The following TMEM126A variants were observed in gnomAD, a reference collection of about 807,000 sequenced individuals.
The protein encoded by TMEM126A is optic atrophy 7.
In TMEM126A, 10 loss-of-function variants were observed where a neutral mutation model predicts 18.3. That is an observed-to-expected ratio of 0.55 (90% CI 0.34 to 0.93). The LOEUF is 0.93. Ranked by LOEUF, TMEM126A falls within the 40% of genes least tolerant of loss-of-function variation. TMEM126A has a pLI of 0.02. For missense variants in TMEM126A, 246 were observed against 230.2 expected (o/e 1.07, Z -0.44); for synonymous variants, 68 against 78.1 (o/e 0.87, Z 0.68).
intron 2 of TMEM126A, among the ~76,000 whole-genome samples, chr11:85,653,769 G>A (rs1365682197): frequency 1.3e-5 from 2 of 152,144 alleles, no homozygotes; most frequent in African/African-American, 4.8e-5. Flanking sequence ...TTAAAGACTA[G>A]TGTAGAAGCC....
In TMEM126A at chr11:85,655,647, G is replaced by C; in HGVS notation, c.334G>C (p.Val112Leu). The change falls in exon 4 of 5, where the codon GTT (valine) becomes CTT (leucine). Residue 112 changes from valine (V) to leucine (L), a missense_variant. Coordinates refer to ENST00000304511, the MANE Select transcript of TMEM126A (RefSeq NM_032273.4). ...AACACGGAGTGGACTGACTGGTCTT[G>C]TTATTGGTGGTCTATACCCTGTTTT... Reference protein sequence around the residue: ...TITRSGLTGLVIGGLYPVFLA... With the variant: ...TITRSGLTGLLIGGLYPVFLA... The C allele has an allele frequency of 1.9e-6, 3 of 1,613,698 alleles. No homozygotes were observed. The highest frequency in any genetic ancestry group is 2.5e-6 in the Non-Finnish European group (3 of 1,179,722).
At chr11:85,652,584 A>G (rs533729020) in intron 2 of TMEM126A, among the ~76,000 whole-genome samples, 121 of 152,274 alleles carry the variant, frequency 7.9e-4, no homozygotes, top group African/African-American at 2.8e-3. Flanking sequence ...ATGAGTTTTT[A>G]GTTGGTATAG....
intron 2 of TMEM126A, among the ~76,000 whole-genome samples, chr11:85,653,851 AATT>A (rs2082517920): frequency 6.6e-6 from 1 of 152,176 alleles, no homozygotes; most frequent in Non-Finnish European, 1.5e-5. Flanking sequence ...GTTAAGTATT[AATT>A]ATTATGGGAG....
At chr11:85,648,642 C>T (rs2082478075) in intron 1 of TMEM126A, among the ~76,000 whole-genome samples, 1 of 152,148 alleles carries the variant, frequency 6.6e-6, no homozygotes, top group Non-Finnish European at 1.5e-5. Flanking sequence ...TACACAAAAT[C>T]ATTCAGAGCT....
At chr11:85,654,548 T>A (rs2082523805) in intron 3 of TMEM126A, among the ~76,000 whole-genome samples, 1 of 152,116 alleles carries the variant, frequency 6.6e-6, no homozygotes, top group Non-Finnish European at 1.5e-5. Flanking sequence ...ACCTTCTGGG[T>A]TCAAGCAATT....
chr11:85,652,441 C>T (rs1371220011), intron 2 of TMEM126A, among the ~76,000 whole-genome samples: 1 of 152,146 alleles, frequency 6.6e-6, no homozygotes, highest in Non-Finnish European at 1.5e-5. Flanking sequence ...GCATGTCCTT[C>T]AGTGTATGGA....
At chr11:85,653,060 G>T (rs1452589836) in intron 2 of TMEM126A, among the ~76,000 whole-genome samples, 1 of 152,002 alleles carries the variant, frequency 6.6e-6, no homozygotes, top group Non-Finnish European at 1.5e-5. Context: ...CCACTGTCTT[G>T]TACCACCATT....
chr11:85,651,018 G>A (rs908051594), intron 2 of TMEM126A, among the ~76,000 whole-genome samples: 22 of 122,670 alleles, frequency 1.8e-4, no homozygotes, highest in South Asian at 1.0e-3. Flanking sequence ...GCAGTGAGCC[G>A]AGATCACACC....
At chr11:85,654,858 T>A (rs76268187) in intron 3 of TMEM126A, among the ~76,000 whole-genome samples, 20,981 of 149,944 alleles carry the variant, frequency 0.14, 1,705 homozygotes, top group East Asian at 0.29. Flanking sequence ...TATGGAAATA[T>A]TATATATATA....
In TMEM126A at chr11:85,654,273, T is replaced by C. The variant is rs768302604; in HGVS notation, c.280+17T>C. On this transcript the variant is annotated intron_variant, in intron 3 of 4. Coordinates refer to ENST00000304511, the MANE Select transcript of TMEM126A (RefSeq NM_032273.4). ...TGAATACAGGTAAATTCTACTTCACTATCACCAAAGAGTTTGCCTTAGTAT... is the reference window on the plus strand; with the variant it reads ...TGAATACAGGTAAATTCTACTTCACCATCACCAAAGAGTTTGCCTTAGTAT... 9 of 1,612,390 alleles carry C rather than the reference T, an allele frequency of 5.6e-6. No homozygotes were observed. The Admixed American group carries it at 1.0e-4, about 18-fold the overall frequency.
rs182278543 is a variant in TMEM126A, at chr11:85,655,444, G to A, written c.281-150G>A. ...TAGCTATTTTAAGTTACTCATAGAT[G>A]TAATTATACCTTTTAACAGGCTTTG... is the stretch of plus-strand genomic sequence containing the variant. On this transcript the variant is annotated intron_variant, in intron 3 of 4. Coordinates refer to ENST00000304511, the MANE Select transcript of TMEM126A (RefSeq NM_032273.4). The A allele has an allele frequency of 1.1e-4, 67 of 635,362 alleles. 1 individual carries two copies. Among genetic ancestry groups the A allele is most frequent in the African/African-American group, 9.0e-4 (49 of 54,582 alleles). The allele number at this position is 635,362 out of a possible 1,614,324, so 39.4% of individuals were successfully genotyped here.
At chr11:85,649,384 C>A (rs1377037584) in intron 1 of TMEM126A, among the ~76,000 whole-genome samples, 2 of 152,216 alleles carry the variant, frequency 1.3e-5, no homozygotes, top group Non-Finnish European at 1.5e-5. Context: ...GTACAGCCAC[C>A]CAGCTAAGAA....
chr11:85,655,473 A>C, intron 3 of TMEM126A, 121 bp from the exon 4 acceptor site: 1 of 768,822 alleles, frequency 1.3e-6, no homozygotes, highest in Admixed American at 1.9e-5. Flanking sequence ...GGCTTTGTAC[A>C]ATTACATTTG....
intron 2 of TMEM126A, 22 bp from the exon 3 acceptor site, chr11:85,654,041 T>C (rs966439709): frequency 6.2e-7 from 1 of 1,613,226 alleles, no homozygotes. Flanking sequence ...CAAAGAAAAG[T>C]TCTTTCTTCT....
At chr11:85,651,767 C>T (rs915100547) in intron 2 of TMEM126A, among the ~76,000 whole-genome samples, 10 of 152,156 alleles carry the variant, frequency 6.6e-5, no homozygotes, top group African/African-American at 2.4e-4. Flanking sequence ...ACTCCACTCC[C>T]TTCTAGTTGT....
chr11:85,653,988 T>TA, intron 2 of TMEM126A, 75 bp from the exon 3 acceptor site: 1 of 1,531,464 alleles, frequency 6.5e-7, no homozygotes, highest in South Asian at 1.1e-5. Flanking sequence ...CAAAGTCCTA[T>TA]AACACATGTC....
At chr11:85,650,583 C>T (rs2082491931) in intron 2 of TMEM126A, among the ~76,000 whole-genome samples, 1 of 152,168 alleles carries the variant, frequency 6.6e-6, no homozygotes, top group African/African-American at 2.4e-5. Context: ...TGAGTTTTTC[C>T]ATTAGGCTTG....
chr11:85,652,215 G>C lies in TMEM126A; in HGVS notation c.87-1848G>C, dbSNP rs1031908558. Among the ~76,000 whole-genome samples the C allele has an allele frequency of 1.2e-4, 18 of 152,174 alleles. No homozygotes were observed. In the East Asian group the frequency reaches 3.1e-3, roughly 26 times the overall value. On this transcript the variant is annotated intron_variant, in intron 2 of 4. Coordinates refer to ENST00000304511, the MANE Select transcript of TMEM126A (RefSeq NM_032273.4). Reference sequence around the variant, plus strand: ...AGAGAAGAAAGCAGTCTGTCACTGGGTTCTTTACCAAATTAGAAAGAATAC... The same window carrying C: ...AGAGAAGAAAGCAGTCTGTCACTGGCTTCTTTACCAAATTAGAAAGAATAC...
rs569364467 is a variant in TMEM126A at position 85,654,384 on chromosome 11, TATA to T, written c.280+131_280+133del. On this transcript the variant is annotated intron_variant, in intron 3 of 4. Coordinates refer to ENST00000304511, the MANE Select transcript of TMEM126A (RefSeq NM_032273.4). ...GTTAAGATTAAATCTTGCTAGCCTATATAATGTGGCAAATAATTCATATTAGTA... is the reference window on the plus strand; with the variant it reads ...GTTAAGATTAAATCTTGCTAGCCTATATGTGGCAAATAATTCATATTAGTA... The T allele has an allele frequency of 1.6e-4, 146 of 907,822 alleles. No homozygotes were observed. The African/African-American group carries it at 2.2e-3, about 13-fold the overall frequency. The allele number at this position is 907,822 out of a possible 1,614,324, so 56.2% of individuals were successfully genotyped here.
Sources: allele counts gnomAD v4.1 joint callset (sites outside exome capture counted in the v4.1 genomes callset), GRCh38; gene constraint gnomAD v4.1.1; transcripts MANE v1.5; gene names NCBI Gene and HGNC (gene_info 2026-07-23, HGNC 2026-07-21).